FN1: variants seen among roughly 807,000 people sequenced by gnomAD.
The protein encoded by FN1 is fibronectin.
Under a neutral mutation model 297.3 loss-of-function variants are expected in FN1, and 106 were observed. The ratio of observed to expected loss-of-function variants is 0.36; its 90% confidence interval spans 0.30 to 0.42. The LOEUF is 0.42. Ranked by LOEUF, FN1 falls within the 10% of genes least tolerant of loss-of-function variation. FN1 has a pLI of 1.00. For missense variants in FN1, 2,690 were observed against 3,124.9 expected, an observed-to-expected ratio of 0.86 and a Z score of 3.32; for synonymous variants, 1,149 against 1,152.6, an observed-to-expected ratio of 1.00 and a Z score of 0.06.
chr2:215,379,078 G>T, intron 34 of FN1, 52 bp downstream of exon 34: 1 of 1,442,606 alleles, frequency 6.9e-7, no homozygotes, highest in Non-Finnish European at 9.8e-7. Flanking sequence ...CTTAGAAACT[G>T]TGTTAGAGAT....
chr2:215,429,725 T>C (rs920529250), intron 5 of FN1, among the ~76,000 whole-genome samples: 22 of 152,232 alleles, frequency 1.4e-4, no homozygotes, highest in African/African-American at 5.1e-4. Context: ...CTAAGTACTC[T>C]TTGAAGGCTG....
intron 21 of FN1, among the ~76,000 whole-genome samples, chr2:215,398,914 C>A (rs1249723285): frequency 6.6e-6 from 1 of 152,194 alleles, no homozygotes; most frequent in Non-Finnish European, 1.5e-5. Flanking sequence ...CTTGTTCACA[C>A]TCATTTAGAA....
rs1028195625 is a variant in FN1, at chr2:215,406,326, C to T, written c.2898G>A (p.Gly966=). 6.2e-7 allele frequency: 1 copy of T among 1,614,190 alleles called. No homozygotes were observed. Among genetic ancestry groups the T allele is most frequent in the Admixed American group, 1.7e-5 (1 of 60,030 alleles). Residue 966 remains glycine, a synonymous_variant, in exon 19 of 46, where the codon GGG becomes GGA. Coordinates refer to ENST00000354785, the MANE Select transcript of FN1 (RefSeq NM_212482.4). ...AGTAATAGGTGACCCCAGGGGACAGCCCGGTGACTTCTGCAAAGGTGTTCC... is the reference window on the plus strand; with the variant it reads ...AGTAATAGGTGACCCCAGGGGACAGTCCGGTGACTTCTGCAAAGGTGTTCC... ...ISRNTFAEVT[G]LSPGVTYYFK...
chr2:215,377,397 G>A lies in FN1; in HGVS notation c.5711-723C>T, dbSNP rs1377791251. Among the ~76,000 whole-genome samples, 4 of 152,224 alleles carry A rather than the reference G, an allele frequency of 2.6e-5. No homozygotes were observed. In the East Asian group the frequency reaches 5.8e-4, roughly 22 times the overall value. On this transcript the variant is annotated intron_variant, in intron 35 of 45. Transcript: ENST00000354785. ...TGGATCATGGGGGCAGATCCCTTGT[G>A]GCTTGGTGCCCTCTTTATGACAGTG...
intron 23 of FN1, among the ~76,000 whole-genome samples, chr2:215,396,818 ATTTG>A (rs2060357937): frequency 6.6e-6 from 1 of 152,170 alleles, no homozygotes; most frequent in Admixed American, 6.5e-5. Context: ...GACTTCAACC[ATTTG>A]TTTGGCAATT....
In FN1 at chr2:215,414,623, G is replaced by T. The variant is rs914900547; in HGVS notation, c.1941+214C>A. ...TCTTCCAAATACCAGCCCCCCCACCGCAAAAAAACAAAACCCAAAACCAAA... is the reference window on the plus strand; with the variant it reads ...TCTTCCAAATACCAGCCCCCCCACCTCAAAAAAACAAAACCCAAAACCAAA... On this transcript the variant is annotated intron_variant, in intron 13 of 45. Coordinates refer to ENST00000354785, the MANE Select transcript of FN1 (RefSeq NM_212482.4). 2.3e-5 allele frequency: 29 copies of T among 1,258,226 alleles called. No individual in the cohort carries two copies. In the African/African-American group the frequency reaches 3.8e-4, roughly 16 times the overall value. The allele number at this position is 1,258,226 out of a possible 1,614,324, so 77.9% of individuals were successfully genotyped here.
In FN1 at chr2:215,424,180, C is replaced by T; in HGVS notation, c.1182G>A (p.Gln394=). Residue 394 remains glutamine, a synonymous_variant, in exon 8 of 46, where the codon CAG becomes CAA. Transcript: ENST00000354785. ...LWCSTTSNYE[Q]DQKYSFCTDH... Reference sequence around the variant, plus strand: ...CTGTGCAGAAAGAGTATTTCTGGTCCTGCTCATAATTCGAAGTTGTGCTGC... The same window carrying T: ...CTGTGCAGAAAGAGTATTTCTGGTCTTGCTCATAATTCGAAGTTGTGCTGC... 1 of 1,614,174 alleles carries T rather than the reference C, an allele frequency of 6.2e-7. No homozygotes were observed. Among genetic ancestry groups the T allele is most frequent in the Non-Finnish European group, 8.5e-7 (1 of 1,180,038 alleles).
intron 22 of FN1, 53 bp from the exon 23 acceptor site, chr2:215,397,276 G>A (rs530679146): frequency 2.3e-6 from 3 of 1,305,950 alleles, no homozygotes; most frequent in Non-Finnish European, 3.3e-6. Flanking sequence ...CTCTTGACCT[G>A]TGTAATCTTT....
At chr2:215,371,752 A>T in intron 40 of FN1, 157 bp downstream of exon 40, 1 of 641,906 alleles carries the variant, frequency 1.6e-6, no homozygotes, top group East Asian at 3.1e-5. Context: ...ACCTCAAATG[A>T]TCCACCTGCC....
intron 44 of FN1, chr2:215,362,810 C>T (rs185423165): frequency 9.2e-5 from 14 of 152,886 alleles, no homozygotes; most frequent in Admixed American, 9.1e-4. Flanking sequence ...AAAGCAAGCT[C>T]ATGGAGGTCA....
Position 215,375,706 on chromosome 2 carries a change from C to T in FN1, c.5900G>A (p.Gly1967Asp). The change falls in exon 37 of 46, where the codon GGC becomes GAC. Residue 1967 changes from glycine to aspartate, a missense_variant. By Grantham distance (94) the Gly-to-Asp change is moderately conservative. This residue lies in a region of FN1 where 1,743 missense variants were observed against 1,945.2 expected (regional missense o/e 0.90). Transcript: ENST00000354785. ...RSYTITGLQP[G>D]TDYKIYLYTL... ...GTACAGGTAGATCTTGTAGTCAGTGCCTGGTTGTAAACCTGGGATTTGAGA... is the reference window on the plus strand; with the variant it reads ...GTACAGGTAGATCTTGTAGTCAGTGTCTGGTTGTAAACCTGGGATTTGAGA... 1 of 1,609,264 alleles carries T rather than the reference C, an allele frequency of 6.2e-7. No individual in the cohort carries two copies. Among genetic ancestry groups the T allele is most frequent in the African/African-American group, 1.3e-5 (1 of 74,920 alleles).
chr2:215,421,951 C>A, intron 10 of FN1, 140 bp downstream of exon 10: 1 of 836,734 alleles, frequency 1.2e-6, no homozygotes. Flanking sequence ...CTTATCTTAC[C>A]ATGCACAGTA....
Position 215,388,302 on chromosome 2 carries a change from C to A in FN1, c.4253-1G>T. On this transcript the variant is annotated splice_acceptor_variant, in intron 26 of 45. Coordinates refer to ENST00000354785, the MANE Select transcript of FN1 (RefSeq NM_212482.4). LOFTEE classifies it high-confidence loss of function. ...ACATATTCTGTACCAGGCAGGAGATCTGTAGGGGCAAATGGGGCTTATTTT... is the reference window on the plus strand; with the variant it reads ...ACATATTCTGTACCAGGCAGGAGATATGTAGGGGCAAATGGGGCTTATTTT... 1 of 1,610,560 alleles carries A rather than the reference C, an allele frequency of 6.2e-7. No individual in the cohort carries two copies. Among genetic ancestry groups the A allele is most frequent in the Non-Finnish European group, 8.5e-7 (1 of 1,176,748 alleles).
chr2:215,424,113 C>T, intron 8 of FN1, 33 bp downstream of exon 8: 1 of 1,608,148 alleles, frequency 6.2e-7, no homozygotes, highest in East Asian at 2.2e-5. Context: ...GTGAGTTTTT[C>T]TCACTTCTGT....
rs2106301974 is a variant in FN1, at chr2:215,409,933, C to A, written c.2122+1G>T. Reference sequence around the variant, plus strand: ...AGGCATGAGGGTGGTTGTGTACATACTGGTCACAGGTGTGCTGGTGCTGGT... The same window carrying A: ...AGGCATGAGGGTGGTTGTGTACATAATGGTCACAGGTGTGCTGGTGCTGGT... On this transcript the variant is annotated splice_donor_variant, in intron 14 of 45. Transcript: ENST00000354785. LOFTEE classifies it high-confidence loss of function. 1 of 1,613,714 alleles carries A rather than the reference C, an allele frequency of 6.2e-7. No homozygotes were observed. The highest frequency in any genetic ancestry group is 8.5e-7 in the Non-Finnish European group (1 of 1,179,982).
At chr2:215,364,565 G>C (rs2054155288) in intron 44 of FN1, 1 of 441,964 alleles carries the variant, frequency 2.3e-6, no homozygotes, top group Non-Finnish European at 4.2e-6. Context: ...ATGCTAGGGA[G>C]CTTAGGAAAA....
At chr2:215,378,073 G>T in intron 35 of FN1, 102 bp downstream of exon 35, 2 of 809,346 alleles carry the variant, frequency 2.5e-6, no homozygotes, top group Non-Finnish European at 2.2e-6. Context: ...TTCCCAAAGT[G>T]CTTGGATTTT....
rs756325860 is a variant in FN1, at chr2:215,397,672, C to A, written c.3517+8G>T. The A allele has an allele frequency of 2.5e-6, 4 of 1,613,312 alleles. No homozygotes were observed. The highest frequency in any genetic ancestry group is 2.2e-5 in the East Asian group (1 of 44,890). Reference sequence around the variant, plus strand: ...AAACTAATAGAAAAGGGAAAAAATTCTTCTTACGTGTCACCACTTTGTTTA... The same window carrying A: ...AAACTAATAGAAAAGGGAAAAAATTATTCTTACGTGTCACCACTTTGTTTA... On this transcript the variant is annotated splice_region_variant and intron_variant, in intron 22 of 45. Coordinates refer to ENST00000354785, the MANE Select transcript of FN1 (RefSeq NM_212482.4).
At chr2:215,382,018 A>G (rs748222362) in intron 32 of FN1, 194 bp downstream of exon 32, 2 of 570,692 alleles carry the variant, frequency 3.5e-6, no homozygotes, top group Non-Finnish European at 6.3e-6. Context: ...TGGTTTCACA[A>G]CTTCTTTCTC....
Sources: allele counts gnomAD v4.1 joint callset (sites outside exome capture counted in the v4.1 genomes callset), GRCh38; gene constraint gnomAD v4.1.1; regional missense constraint gnomAD v4.1.1; transcripts MANE v1.5; gene names NCBI Gene and HGNC (gene_info 2026-07-23, HGNC 2026-07-21).